The following UCHL3 variants were observed in gnomAD, a reference collection of about 807,000 sequenced individuals.
The protein encoded by UCHL3 is ubiquitin carboxyl-terminal hydrolase isozyme L3.
UCHL3 carries 22 observed loss-of-function variants against 35.8 expected under a neutral mutation model. That is an observed-to-expected ratio of 0.61 (90% CI 0.44 to 0.88). The LOEUF (loss-of-function observed/expected upper bound fraction) is 0.88, where lower values mean the gene tolerates loss of function less well. Among genes scored for constraint, UCHL3 ranks in the 40% least tolerant of loss-of-function variants. The probability of loss-of-function intolerance (pLI) is 0.00; values close to 1 mark genes in which losing one functional copy is unlikely to be tolerated. For synonymous variants in UCHL3, 90 were observed against 92.8 expected, an observed-to-expected ratio of 0.97 and a Z score of 0.17; for missense variants, 229 against 276.9, an observed-to-expected ratio of 0.83 and a Z score of 1.23.
intron 6 of UCHL3, among the ~76,000 whole-genome samples, chr13:75,581,516 A>ATTT (rs11330521): frequency 9.1e-6 from 1 of 109,392 alleles, no homozygotes; most frequent in African/African-American, 3.5e-5. Flanking sequence ...CACCTGGCTA[A>ATTT]TTTTTTTTTT....
At chr13:75,588,290 C>T (rs1186395299) in intron 6 of UCHL3, among the ~76,000 whole-genome samples, 1 of 152,068 alleles carries the variant, frequency 6.6e-6, no homozygotes, top group Non-Finnish European at 1.5e-5. Context: ...TCTCTAGATT[C>T]TTAGAAATTT....
chr13:75,561,005 A>G (rs2031475597), intron 3 of UCHL3, 124 bp downstream of exon 3: 5 of 871,564 alleles, frequency 5.7e-6, no homozygotes, highest in Admixed American at 7.4e-5. Flanking sequence ...ATCATGGCTT[A>G]CTGCAGTCTC....
chr13:75,596,756 T>C (rs560714340), intron 7 of UCHL3, among the ~76,000 whole-genome samples: 6 of 152,282 alleles, frequency 3.9e-5, no homozygotes, highest in African/African-American at 1.4e-4. Context: ...TAGAGAGCTG[T>C]CTTGGCTCAG....
At chr13:75,577,515 C>T (rs2032060821) in intron 6 of UCHL3, among the ~76,000 whole-genome samples, 2 of 152,026 alleles carry the variant, frequency 1.3e-5, no homozygotes, top group South Asian at 2.1e-4. Flanking sequence ...GTCCTGAAAC[C>T]AATAGTCCGT....
intron 7 of UCHL3, among the ~76,000 whole-genome samples, chr13:75,596,925 G>T (rs2032659926): frequency 6.6e-6 from 1 of 152,186 alleles, no homozygotes; most frequent in Non-Finnish European, 1.5e-5. Context: ...CTGAGGTCTT[G>T]TTTGGTTTAG....
chr13:75,589,130 T>C lies in UCHL3; in HGVS notation c.475-5785T>C, dbSNP rs538064850. Among the ~76,000 whole-genome samples the C allele has an allele frequency of 1.2e-4, 19 of 152,298 alleles. No homozygotes were observed. The South Asian group carries it at 1.9e-3, about 15-fold the overall frequency. The stretch of plus-strand genomic sequence containing the variant: ...GTTTACACCACAGTGATTAAGATCA[T>C]TGGACTCTAGAACTTGATTTCCTGG... On this transcript the variant is annotated intron_variant, in intron 6 of 8. Transcript: ENST00000377595.
At chr13:75,574,394 G>A (rs2031959279) in intron 6 of UCHL3, among the ~76,000 whole-genome samples, 1 of 152,110 alleles carries the variant, frequency 6.6e-6, no homozygotes, top group Admixed American at 6.5e-5. Context: ...TAGAATGTAG[G>A]TCCCATGAGG....
At chr13:75,594,821 T>C (rs1026053983) in intron 6 of UCHL3, 94 bp from the exon 7 acceptor site, 5 of 895,830 alleles carry the variant, frequency 5.6e-6, no homozygotes, top group African/African-American at 5.3e-5. Flanking sequence ...TGTTCTCTTA[T>C]ATAATTTGAT....
At chr13:75,602,814 A>C (rs1281485597) in intron 7 of UCHL3, among the ~76,000 whole-genome samples, 2 of 152,162 alleles carry the variant, frequency 1.3e-5, no homozygotes, top group African/African-American at 4.8e-5. Context: ...AAAAATCATA[A>C]TTAATCTTTG....
intron 3 of UCHL3, among the ~76,000 whole-genome samples, chr13:75,562,933 T>C (rs1323499727): frequency 1.3e-5 from 2 of 152,162 alleles, no homozygotes; most frequent in Non-Finnish European, 2.9e-5. Context: ...CTTTTAGATG[T>C]CTTACAGTTT....
chr13:75,559,480 A>T (rs969202035), intron 2 of UCHL3, among the ~76,000 whole-genome samples: 1 of 152,226 alleles, frequency 6.6e-6, no homozygotes, highest in African/African-American at 2.4e-5. Context: ...TTGACCAATG[A>T]TATCATTAGC....
At chr13:75,588,509 A>G (rs1447208465) in intron 6 of UCHL3, among the ~76,000 whole-genome samples, 1 of 152,182 alleles carries the variant, frequency 6.6e-6, no homozygotes, top group Non-Finnish European at 1.5e-5. Flanking sequence ...TTGTTCCCAT[A>G]TAGAATCAAG....
chr13:75,577,833 C>T (rs1349447514), intron 6 of UCHL3, among the ~76,000 whole-genome samples: 2 of 152,132 alleles, frequency 1.3e-5, no homozygotes, highest in African/African-American at 2.4e-5. Context: ...TACTTCATTG[C>T]CACTTAACTA....
At chr13:75,554,222 C>T (rs576310473) in intron 2 of UCHL3, among the ~76,000 whole-genome samples, 61 of 152,194 alleles carry the variant, frequency 4.0e-4, no homozygotes, top group African/African-American at 8.7e-4. Flanking sequence ...CCATCACACC[C>T]GGCTAATTTT....
At chr13:75,592,453 T>TAC (rs1566228194) in intron 6 of UCHL3, among the ~76,000 whole-genome samples, 24 of 102,168 alleles carry the variant, frequency 2.3e-4, no homozygotes, top group Non-Finnish European at 4.4e-4. Flanking sequence ...TATATATATA[T>TAC]ATATATATAT....
chr13:75,555,205 A>T (rs1305800892), intron 2 of UCHL3, among the ~76,000 whole-genome samples: 1 of 152,138 alleles, frequency 6.6e-6, no homozygotes, highest in East Asian at 1.9e-4. Context: ...GTTTCATGGT[A>T]GGTTCTTGTC....
At chr13:75,582,989 T>C (rs1389156284) in intron 6 of UCHL3, among the ~76,000 whole-genome samples, 4 of 152,226 alleles carry the variant, frequency 2.6e-5, no homozygotes, top group East Asian at 1.9e-4. Flanking sequence ...GTTATGTCTA[T>C]ATTATGCATT....
intron 2 of UCHL3, among the ~76,000 whole-genome samples, chr13:75,554,323 A>G (rs964163592): frequency 1.3e-5 from 2 of 152,186 alleles, no homozygotes; most frequent in Non-Finnish European, 2.9e-5. Context: ...TTCATTTCTT[A>G]TAATCTCTTC....
intron 6 of UCHL3, among the ~76,000 whole-genome samples, chr13:75,572,005 C>CTTGTCTTGTCTTGTT (rs1159489453): frequency 4.2e-4 from 64 of 151,840 alleles, no homozygotes; most frequent in African/African-American, 1.4e-3. Context: ...CTTGTCTTGT[C>CTTGTCTTGTCTTGTT]TTGTCTTGTC....
Sources: allele counts gnomAD v4.1 joint callset (sites outside exome capture counted in the v4.1 genomes callset), GRCh38; gene constraint gnomAD v4.1.1; transcripts MANE v1.5; gene names NCBI Gene and HGNC (gene_info 2026-07-23, HGNC 2026-07-21).